The following MTCL1 variants were observed in gnomAD, a reference collection of about 807,000 sequenced individuals.
The protein encoded by MTCL1 is microtubule crosslinking factor 1.
A neutral mutation model predicts 141.4 loss-of-function variants in MTCL1; 79 were observed. The observed-to-expected ratio is 0.56, with a 90% confidence interval of 0.47 to 0.67. The LOEUF is 0.67. Ranked by LOEUF, MTCL1 falls within the 30% of genes least tolerant of loss-of-function variation. MTCL1 has a pLI of 0.00. For synonymous variants in MTCL1, 914 were observed against 875.8 expected, an observed-to-expected ratio of 1.04 and a Z score of -0.77; for missense variants, 2,177 against 2,113.9, an observed-to-expected ratio of 1.03 and a Z score of -0.59.
At chr18:8,784,561 G>A in exon 6 of MTCL1, 4 of 1,608,862 alleles carry the variant, frequency 2.5e-6, no homozygotes, top group Non-Finnish European at 3.4e-6. Context: ...ATGATGCGGG[G>A]CTGCGGGGTG....
intron 4 of MTCL1, among the ~76,000 whole-genome samples, chr18:8,726,944 A>C (rs921701534): frequency 1.3e-5 from 2 of 152,126 alleles, no homozygotes; most frequent in Non-Finnish European, 2.9e-5. Flanking sequence ...CCTCACCACC[A>C]TCCCGCCCAT....
chr18:8,756,519 GTATA>G (rs1223960383), intron 4 of MTCL1, among the ~76,000 whole-genome samples: 2 of 143,928 alleles, frequency 1.4e-5, no homozygotes, highest in East Asian at 1.9e-4. Flanking sequence ...ATATATGTGT[GTATA>G]TATGTGTGTG....
intron 7 of MTCL1, among the ~76,000 whole-genome samples, chr18:8,790,882 G>A (rs2075698685): frequency 6.6e-6 from 1 of 152,202 alleles, no homozygotes; most frequent in South Asian, 2.1e-4. Flanking sequence ...GGGTGTCATG[G>A]TGGGTACCTA....
At chr18:8,758,020 C>CTTTTTTT (rs1162855433) in intron 4 of MTCL1, among the ~76,000 whole-genome samples, 1 of 126,906 alleles carries the variant, frequency 7.9e-6, no homozygotes, top group African/African-American at 2.9e-5. Context: ...AGCACCCAGT[C>CTTTTTTT]TTTTTTTTTT....
intron 4 of MTCL1, among the ~76,000 whole-genome samples, chr18:8,774,520 C>G (rs2096497658): frequency 6.6e-6 from 1 of 151,762 alleles, no homozygotes; most frequent in African/African-American, 2.4e-5. Context: ...CTTCTCCTTA[C>G]TCTGTTGCCC....
upstream of MTCL1, among the ~76,000 whole-genome samples, chr18:8,713,883 C>T (rs576319454): frequency 1.4e-4 from 21 of 152,294 alleles, no homozygotes; most frequent in Non-Finnish European, 2.5e-4. Context: ...CTCAAGGTGG[C>T]AGTGAGCCAT....
intron 4 of MTCL1, among the ~76,000 whole-genome samples, chr18:8,768,313 C>A (rs914989773): frequency 6.6e-6 from 1 of 152,170 alleles, no homozygotes; most frequent in African/African-American, 2.4e-5. Context: ...TTAACTAGAG[C>A]TAAATTTTTG....
In MTCL1 at chr18:8,814,782, G is replaced by A. The variant is rs2076597163; in HGVS notation, c.2859+1549G>A. Among the ~76,000 whole-genome samples the A allele has an allele frequency of 2.0e-5, 3 of 152,182 alleles. No individual in the cohort carries two copies. In the South Asian group the frequency reaches 6.2e-4, roughly 32 times the overall value. The stretch of plus-strand genomic sequence containing the variant: ...GCCCCCTTTAGGGTGCCCTTCGCCT[G>A]TTAGCCATGGTGGCTTGTTGGACTT... On this transcript the variant is annotated intron_variant, in intron 12 of 16. Coordinates refer to ENST00000359865, the Ensembl canonical transcript of MTCL1.
Position 8,828,568 on chromosome 18 carries a change from G to A in MTCL1, c.4723-340G>A, listed in dbSNP as rs1176785853. Among the ~76,000 whole-genome samples, 1 of 152,190 alleles carries A rather than the reference G, an allele frequency of 6.6e-6. No individual in the cohort carries two copies. Among genetic ancestry groups the A allele is most frequent in the Non-Finnish European group, 1.5e-5 (1 of 68,038 alleles). On this transcript the variant is annotated intron_variant, in intron 15 of 16. Transcript: ENST00000359865. This position sits in a 1 kb window ranked among gnomAD's most constrained non-coding sequence, Gnocchi z 5.2. ...TCATGCAATTTCCATATCTCTGTTT[G>A]CCAAAGTGCTGTTTGAAATGTTAAA...
intron 12 of MTCL1, among the ~76,000 whole-genome samples, chr18:8,813,509 G>T (rs75046982): frequency 2.6e-5 from 4 of 151,986 alleles, no homozygotes; most frequent in South Asian, 2.1e-4. Context: ...TTGTGGGAGC[G>T]GGGGGATAAC....
At chr18:8,711,528 T>G (rs2096092455) in intron 1 of MTCL1, among the ~76,000 whole-genome samples, 1 of 145,502 alleles carries the variant, frequency 6.9e-6, no homozygotes, top group Non-Finnish European at 1.5e-5. Flanking sequence ...TGTTCCTATT[T>G]CTCCACATCC....
intron 11 of MTCL1, among the ~76,000 whole-genome samples, chr18:8,809,049 TATC>T (rs2076394128): frequency 6.6e-6 from 1 of 150,746 alleles, no homozygotes; most frequent in South Asian, 2.1e-4. Flanking sequence ...AAAAAAAAAG[TATC>T]ATGAAGAAAG....
At chr18:8,819,242 A>G in exon 13 of MTCL1, 2 of 1,614,176 alleles carry the variant, frequency 1.2e-6, no homozygotes, top group East Asian at 2.2e-5. Flanking sequence ...GAGGGAGTTC[A>G]GGAACCGCCT....
chr18:8,789,479 G>A, intron 7 of MTCL1: 1 of 985,430 alleles, frequency 1.0e-6, no homozygotes, highest in Non-Finnish European at 1.2e-6. Flanking sequence ...CTTAAGTGTG[G>A]GAAGTAATTT....
intron 3 of MTCL1, chr18:8,719,923 T>C (rs1598383350): frequency 6.2e-6 from 1 of 160,924 alleles, no homozygotes; most frequent in East Asian, 1.8e-4. Flanking sequence ...TTTATTATTA[T>C]TCGAATTTCT....
At chr18:8,715,619 C>T (rs1236567737), upstream of MTCL1, among the ~76,000 whole-genome samples, 2 of 152,174 alleles carry the variant, frequency 1.3e-5, no homozygotes, top group East Asian at 3.8e-4. Flanking sequence ...ACAAGCATTG[C>T]GGTTAGGTTC....
At chr18:8,718,714 G>A in intron 3 of MTCL1, 66 bp downstream of exon 2, 2 of 1,471,508 alleles carry the variant, frequency 1.4e-6, no homozygotes, top group Non-Finnish European at 1.9e-6. Flanking sequence ...CATGCACGTT[G>A]CCCTGGTGTT....
chr18:8,733,449 A>G (rs1252881016), intron 4 of MTCL1, among the ~76,000 whole-genome samples: 1 of 152,168 alleles, frequency 6.6e-6, no homozygotes, highest in Non-Finnish European at 1.5e-5. Context: ...TCTGTCGCTC[A>G]GGCTGGAGTG....
At chr18:8,736,566 G>T (rs1206279883) in intron 4 of MTCL1, among the ~76,000 whole-genome samples, 1 of 151,880 alleles carries the variant, frequency 6.6e-6, no homozygotes, top group African/African-American at 2.4e-5. Context: ...TTGAAGTCGG[G>T]TTTCTACCAG....
Sources: allele counts gnomAD v4.1 joint callset (sites outside exome capture counted in the v4.1 genomes callset), GRCh38; gene constraint gnomAD v4.1.1; non-coding constraint Gnocchi (gnomAD v3.1); transcripts MANE v1.5; gene names NCBI Gene and HGNC (gene_info 2026-07-23, HGNC 2026-07-21).